The following DACH1 variants were observed in gnomAD, a reference collection of about 807,000 sequenced individuals.
DACH1 encodes the protein dachshund family transcription factor 1.
DACH1 carries 12 observed loss-of-function variants against 54.2 expected under a neutral mutation model. The observed-to-expected ratio is 0.22, with a 90% confidence interval of 0.14 to 0.36. DACH1 has a LOEUF of 0.36. Ranked by LOEUF, DACH1 falls within the 10% of genes least tolerant of loss-of-function variation. DACH1 has a pLI of 1.00. For synonymous variants in DACH1, 386 were observed against 366.2 expected (o/e 1.05, Z -0.62); for missense variants, 805 against 929.8 (o/e 0.87, Z 1.75).
intron 4 of DACH1, among the ~76,000 whole-genome samples, chr13:71,560,891 A>T (rs1049877213): frequency 2.6e-5 from 4 of 152,224 alleles, no homozygotes; most frequent in African/African-American, 9.6e-5. Context: ...AAATAGTTAA[A>T]AGTGTGGAAG....
At chr13:71,600,095 C>T (rs1874387650) in intron 3 of DACH1, among the ~76,000 whole-genome samples, 1 of 151,998 alleles carries the variant, frequency 6.6e-6, no homozygotes, top group South Asian at 2.1e-4. Flanking sequence ...TTGTTTATCA[C>T]CAAATACAAC....
At chr13:71,770,046 A>C (rs1365559122) in intron 1 of DACH1, among the ~76,000 whole-genome samples, 1 of 151,750 alleles carries the variant, frequency 6.6e-6, no homozygotes, top group Non-Finnish European at 1.5e-5. Context: ...CTTTTAGTAC[A>C]GCTTTAAAAT....
intron 1 of DACH1, among the ~76,000 whole-genome samples, chr13:71,686,695 T>C (rs573264154): frequency 3.0e-4 from 46 of 152,302 alleles, no homozygotes; most frequent in Admixed American, 9.2e-4. Flanking sequence ...TTAATTCTCT[T>C]TCTAAGAGTT....
intron 1 of DACH1, among the ~76,000 whole-genome samples, chr13:71,787,290 T>A (rs1594220831): frequency 6.6e-6 from 1 of 152,328 alleles, no homozygotes; most frequent in Admixed American, 6.5e-5. Context: ...TCAAGATCTC[T>A]AAGTACAGCT....
intron 10 of DACH1, among the ~76,000 whole-genome samples, chr13:71,468,703 CA>C (rs1876808258): frequency 6.6e-6 from 1 of 152,190 alleles, no homozygotes; most frequent in South Asian, 2.1e-4. Context: ...TATATTAAAT[CA>C]AAATTGGATC....
At chr13:71,569,673 T>G (rs1201147553) in intron 4 of DACH1, among the ~76,000 whole-genome samples, 1 of 152,142 alleles carries the variant, frequency 6.6e-6, no homozygotes, top group Non-Finnish European at 1.5e-5. Flanking sequence ...AAGAATATTT[T>G]TAAAATATAT....
At chr13:71,630,466 T>C (rs986907208) in intron 3 of DACH1, 90 bp downstream of exon 3, 1 of 1,437,840 alleles carries the variant, frequency 7.0e-7, no homozygotes, top group Non-Finnish European at 9.1e-7. Context: ...ACTTTTTGAA[T>C]GGGTAGCCAA....
At chr13:71,731,382 C>T (rs901237353) in intron 1 of DACH1, among the ~76,000 whole-genome samples, 5 of 151,166 alleles carry the variant, frequency 3.3e-5, no homozygotes, top group Non-Finnish European at 5.9e-5. Flanking sequence ...AGCTCCACCT[C>T]CCGGGTTCAT....
chr13:71,462,999 G>T (rs1876233676), intron 10 of DACH1, among the ~76,000 whole-genome samples: 1 of 151,794 alleles, frequency 6.6e-6, no homozygotes, highest in Admixed American at 6.6e-5. Flanking sequence ...TTGCCATTTT[G>T]ACAGAATAAA....
intron 2 of DACH1, among the ~76,000 whole-genome samples, chr13:71,639,588 A>C (rs889903451): frequency 1.3e-5 from 2 of 152,112 alleles, no homozygotes; most frequent in Non-Finnish European, 2.9e-5. Flanking sequence ...ATGACTTATA[A>C]ATCAAATAGA....
chr13:71,612,798 T>C (rs1349370625), intron 3 of DACH1, among the ~76,000 whole-genome samples: 1 of 152,186 alleles, frequency 6.6e-6, no homozygotes, highest in African/African-American at 2.4e-5. Context: ...ATGAAGGAAA[T>C]ATTCTATTGG....
At chr13:71,616,036 A>G (rs1875737883) in intron 3 of DACH1, among the ~76,000 whole-genome samples, 1 of 152,166 alleles carries the variant, frequency 6.6e-6, no homozygotes, top group African/African-American at 2.4e-5. Flanking sequence ...GTAAGAAGGC[A>G]AAAATGTCCT....
At chr13:71,864,650 C>T (rs559715550) in intron 1 of DACH1, among the ~76,000 whole-genome samples, 125 of 152,288 alleles carry the variant, frequency 8.2e-4, no homozygotes, top group African/African-American at 2.9e-3. Flanking sequence ...ACTTTTGCCT[C>T]TGCGCTTCCT....
At chr13:71,835,498 T>C (rs1359881982) in intron 1 of DACH1, among the ~76,000 whole-genome samples, 1 of 152,086 alleles carries the variant, frequency 6.6e-6, no homozygotes. Context: ...TCTTGTCTCC[T>C]AAAATTATCC....
At chr13:71,657,040 A>G (rs965570541) in intron 2 of DACH1, among the ~76,000 whole-genome samples, 8 of 148,694 alleles carry the variant, frequency 5.4e-5, no homozygotes, top group Non-Finnish European at 1.2e-4. Context: ...ATATACATAA[A>G]CATGTGTGTG....
At chr13:71,601,728 T>C (rs140032927) in intron 3 of DACH1, among the ~76,000 whole-genome samples, 7 of 152,032 alleles carry the variant, frequency 4.6e-5, no homozygotes, top group African/African-American at 1.7e-4. Flanking sequence ...TTTTACAGTT[T>C]GTAGTCTAAA....
intron 6 of DACH1, among the ~76,000 whole-genome samples, chr13:71,514,421 AAAG>A (rs2138265237): frequency 6.6e-6 from 1 of 152,004 alleles, no homozygotes; most frequent in African/African-American, 2.4e-5. Flanking sequence ...TTTATATAAA[AAAG>A]AATGAATTAA....
intron 1 of DACH1, among the ~76,000 whole-genome samples, chr13:71,726,012 C>G (rs1347726692): frequency 2.0e-5 from 3 of 152,006 alleles, no homozygotes; most frequent in Non-Finnish European, 4.4e-5. Context: ...GTTACGGACC[C>G]CTTTAATCAT....
intron 1 of DACH1, among the ~76,000 whole-genome samples, chr13:71,845,240 T>TCTAAAATGTTATATGTCA (rs148963972): frequency 0.015 from 2,275 of 152,172 alleles, 45 homozygotes; most frequent in African/African-American, 0.051. Context: ...ATATGTCAAT[T>TCTAAAATGTTATATGTCA]TTCTAAAAAT....
Sources: allele counts gnomAD v4.1 joint callset (sites outside exome capture counted in the v4.1 genomes callset), GRCh38; gene constraint gnomAD v4.1.1; transcripts MANE v1.5; gene names NCBI Gene and HGNC (gene_info 2026-07-23, HGNC 2026-07-21).